The following SNTG2 variants were observed in gnomAD, a reference collection of about 807,000 sequenced individuals.
SNTG2 encodes syntrophin gamma 2.
SNTG2 carries 74 observed loss-of-function variants against 70.9 expected under a neutral mutation model. The observed-to-expected ratio is 1.04, with a 90% CI of 0.86 to 1.27. The LOEUF is 1.27. SNTG2 is among the 50% of genes most tolerant of loss of function. The pLI, the probability that SNTG2 is intolerant of heterozygous loss-of-function variation, is 0.00. For missense variants in SNTG2, 717 were observed against 690.7 expected (o/e 1.04, Z -0.43); for synonymous variants, 278 against 273.8 (o/e 1.02, Z -0.15).
chr2:1,248,249 A>C (rs1677552262), intron 12 of SNTG2, among the ~76,000 whole-genome samples: 1 of 152,204 alleles, frequency 6.6e-6, no homozygotes, highest in South Asian at 2.1e-4. Flanking sequence ...CTTGAGAATC[A>C]TTTCAGATTT....
At chr2:1,281,068 A>G (rs1166535735) in intron 14 of SNTG2, among the ~76,000 whole-genome samples, 1 of 152,122 alleles carries the variant, frequency 6.6e-6, no homozygotes, top group Non-Finnish European at 1.5e-5. Flanking sequence ...CAAGTGTCTT[A>G]GGGGTGAGTG....
chr2:1,266,640 G>C (rs1678750720), intron 13 of SNTG2, among the ~76,000 whole-genome samples: 1 of 152,032 alleles, frequency 6.6e-6, no homozygotes, highest in South Asian at 2.1e-4. Flanking sequence ...TAATTCTATA[G>C]AGACTCGGAG....
chr2:1,025,381 C>T (rs1231967027), intron 1 of SNTG2, among the ~76,000 whole-genome samples: 2 of 152,146 alleles, frequency 1.3e-5, no homozygotes, highest in South Asian at 2.1e-4. Context: ...ACCTGTGCGG[C>T]ACTTCTAGAA....
chr2:1,365,476 G>A (rs1661427554), intron 16 of SNTG2, among the ~76,000 whole-genome samples: 1 of 152,204 alleles, frequency 6.6e-6, no homozygotes, highest in African/African-American at 2.4e-5. Flanking sequence ...CTAGGAGGTT[G>A]GGGGCAGCTC....
At chr2:1,149,705 T>TTTTTTTTTTTTTTTTTTTC (rs1558458440) in intron 6 of SNTG2, among the ~76,000 whole-genome samples, 1 of 4,322 alleles carries the variant, frequency 2.3e-4, no homozygotes, top group Non-Finnish European at 5.4e-4. Flanking sequence ...TTTTTTTTTT[T>TTTTTTTTTTTTTTTTTTTC]CAAATGGAAT....
At chr2:1,309,780 A>C (rs895424812) in intron 15 of SNTG2, among the ~76,000 whole-genome samples, 1 of 152,362 alleles carries the variant, frequency 6.6e-6, no homozygotes, top group Non-Finnish European at 1.5e-5. Context: ...ATTGAATAAG[A>C]AGAAGGGATT....
chr2:1,247,985 T>TAA (rs757081608), intron 12 of SNTG2, among the ~76,000 whole-genome samples: 5 of 152,158 alleles, frequency 3.3e-5, no homozygotes, highest in Non-Finnish European at 5.9e-5. Context: ...ATGTAATGTG[T>TAA]AATGTCTAGA....
intron 1 of SNTG2, among the ~76,000 whole-genome samples, chr2:1,015,249 A>G (rs1659852855): frequency 6.6e-6 from 1 of 152,104 alleles, no homozygotes; most frequent in African/African-American, 2.4e-5. Flanking sequence ...TGGATTCAAG[A>G]GCCTCAAATG....
intron 1 of SNTG2, among the ~76,000 whole-genome samples, chr2:981,373 C>T (rs979806563): frequency 2.6e-5 from 4 of 152,116 alleles, no homozygotes; most frequent in African/African-American, 9.7e-5. Flanking sequence ...CATGCATGTA[C>T]ACACAAAAGT....
chr2:1,199,158 C>A, intron 8 of SNTG2, among the ~76,000 whole-genome samples: 1 of 80,232 alleles, frequency 1.2e-5, no homozygotes, highest in Non-Finnish European at 2.6e-5. Flanking sequence ...CCTAATCCAA[C>A]AACACATTAA....
intron 9 of SNTG2, among the ~76,000 whole-genome samples, chr2:1,211,925 C>T (rs1226377782): frequency 1.3e-5 from 2 of 152,040 alleles, no homozygotes; most frequent in Non-Finnish European, 2.9e-5. Context: ...TTCTTGGTGA[C>T]AAAATATTTT....
chr2:1,327,067 G>C (rs13403053), intron 16 of SNTG2, among the ~76,000 whole-genome samples: 2,288 of 151,876 alleles, frequency 0.015, 56 homozygotes, highest in African/African-American at 0.051. Flanking sequence ...TCTGTATATA[G>C]AATTGTTTCT....
intron 14 of SNTG2, among the ~76,000 whole-genome samples, chr2:1,288,643 A>G (rs1355628084): frequency 7.4e-6 from 1 of 134,606 alleles, no homozygotes; most frequent in East Asian, 2.1e-4. Context: ...CACACACATG[A>G]AGATACATAC....
At chr2:1,118,968 A>G (rs116521957) in intron 4 of SNTG2, among the ~76,000 whole-genome samples, 1,602 of 152,292 alleles carry the variant, frequency 0.011, 43 homozygotes, top group African/African-American at 0.036. Flanking sequence ...TTCATCAAGG[A>G]TCGTTTTAAT....
At chr2:1,264,482 G>A (rs1678617390) in intron 13 of SNTG2, among the ~76,000 whole-genome samples, 1 of 152,224 alleles carries the variant, frequency 6.6e-6, no homozygotes, top group Admixed American at 6.5e-5. Context: ...CACACGAAGT[G>A]CCACAAGGGA....
intron 4 of SNTG2, among the ~76,000 whole-genome samples, chr2:1,126,621 C>T (rs544618963): frequency 6.6e-6 from 1 of 152,256 alleles, no homozygotes; most frequent in South Asian, 2.1e-4. Context: ...TTCCTCTGCA[C>T]CCTCACCAAC....
intron 14 of SNTG2, among the ~76,000 whole-genome samples, chr2:1,284,758 A>T (rs1047869217): frequency 6.6e-6 from 1 of 152,170 alleles, no homozygotes; most frequent in Non-Finnish European, 1.5e-5. Context: ...GAACCATATT[A>T]TATTTCTAAA....
intron 16 of SNTG2, among the ~76,000 whole-genome samples, chr2:1,317,007 A>C (rs1333632344): frequency 9.3e-3 from 240 of 25,848 alleles, no homozygotes; most frequent in Middle Eastern, 0.042. Context: ...CATGTAGCAT[A>C]TGGCCAGCAT....
intron 15 of SNTG2, among the ~76,000 whole-genome samples, chr2:1,311,035 C>T (rs993790890): frequency 3.3e-5 from 5 of 152,196 alleles, no homozygotes; most frequent in African/African-American, 1.2e-4. Context: ...ATGACCTGGG[C>T]AGTGCTAGAG....
Sources: gnomAD v4.1 joint callset for allele counts (sites outside exome capture counted in the v4.1 genomes callset) on GRCh38, gnomAD v4.1.1 for gene constraint, MANE v1.5 for transcripts, NCBI Gene and HGNC (gene_info 2026-07-23, HGNC 2026-07-21) for gene names.